The following GRM5 variants were observed in gnomAD, a reference collection of about 807,000 sequenced individuals.
The protein encoded by GRM5 is glutamate metabotropic receptor 5, also known as metabotropic glutamate receptor 5.
GRM5 carries 19 observed loss-of-function variants against 83.1 expected under a neutral mutation model. The ratio of observed to expected loss-of-function variants is 0.23; its 90% confidence interval spans 0.16 to 0.34. The LOEUF (loss-of-function observed/expected upper bound fraction) is 0.34. Among genes scored for constraint, GRM5 ranks in the 10% least tolerant of loss-of-function variants. GRM5 has a pLI of 1.00. For missense variants in GRM5, 1,160 were observed against 1,588.3 expected (o/e 0.73, Z 4.58); for synonymous variants, 675 against 633.6 (o/e 1.07, Z -0.98).
chr11:88,875,248 G>A (rs1944832098), intron 2 of GRM5, among the ~76,000 whole-genome samples: 1 of 151,840 alleles, frequency 6.6e-6, no homozygotes, highest in African/African-American at 2.4e-5. Context: ...TTTCATCAAG[G>A]CTCACAGCAT....
intron 2 of GRM5, among the ~76,000 whole-genome samples, chr11:88,989,182 G>T (rs1170390685): frequency 6.8e-6 from 1 of 146,438 alleles, no homozygotes; most frequent in East Asian, 2.0e-4. Context: ...CAAGCAAATG[G>T]AAAACAAAAA....
chr11:88,968,238 G>A (rs2134998685), intron 2 of GRM5, among the ~76,000 whole-genome samples: 1 of 152,252 alleles, frequency 6.6e-6, no homozygotes, highest in Middle Eastern at 3.4e-3. Flanking sequence ...TCAGCTGGAA[G>A]AATATGAAAG....
At chr11:88,775,147 C>A (rs1026332559) in intron 3 of GRM5, among the ~76,000 whole-genome samples, 3 of 152,154 alleles carry the variant, frequency 2.0e-5, no homozygotes, top group Admixed American at 6.5e-5. Flanking sequence ...AGAGATTCAA[C>A]TTCTTCCTGG....
At chr11:88,526,336 C>A (rs1941876972) in intron 8 of GRM5, among the ~76,000 whole-genome samples, 1 of 152,134 alleles carries the variant, frequency 6.6e-6, no homozygotes. Context: ...ACCTCTTTTA[C>A]TCATTGGTTC....
At chr11:88,595,395 C>G (rs1937770487) in intron 6 of GRM5, among the ~76,000 whole-genome samples, 1 of 152,070 alleles carries the variant, frequency 6.6e-6, no homozygotes, top group Admixed American at 6.5e-5. Context: ...CTTCCTATCC[C>G]TCTCTTCCTC....
At chr11:88,660,765 T>C (rs775178504) in intron 3 of GRM5, among the ~76,000 whole-genome samples, 14 of 152,198 alleles carry the variant, frequency 9.2e-5, no homozygotes, top group Non-Finnish European at 1.3e-4. Flanking sequence ...TCTTATTCCT[T>C]AGATATGTTA....
intron 2 of GRM5, among the ~76,000 whole-genome samples, chr11:89,026,428 T>C (rs961980623): frequency 1.3e-5 from 2 of 152,230 alleles, no homozygotes; most frequent in African/African-American, 4.8e-5. Flanking sequence ...AGACACTTTA[T>C]ACTTCTTTAG....
chr11:89,035,035 C>CA (rs1321972650), intron 2 of GRM5, among the ~76,000 whole-genome samples: 3 of 151,162 alleles, frequency 2.0e-5, no homozygotes, highest in East Asian at 3.9e-4. Context: ...ATCCTCTGAG[C>CA]AAAAAATTAA....
At chr11:89,037,049 T>G (rs1392216949) in intron 2 of GRM5, among the ~76,000 whole-genome samples, 2 of 152,184 alleles carry the variant, frequency 1.3e-5, no homozygotes, top group East Asian at 3.9e-4. Flanking sequence ...TATTTAAACT[T>G]GTGGCTTATT....
intron 3 of GRM5, among the ~76,000 whole-genome samples, chr11:88,745,488 G>A (rs1364245891): frequency 6.6e-6 from 1 of 152,110 alleles, no homozygotes; most frequent in African/African-American, 2.4e-5. Context: ...TTACAGGCAT[G>A]AGCCACCATG....
intron 2 of GRM5, among the ~76,000 whole-genome samples, chr11:89,020,470 G>A (rs768519062): frequency 1.3e-5 from 2 of 152,150 alleles, no homozygotes; most frequent in African/African-American, 4.8e-5. Flanking sequence ...ATAGACTGTT[G>A]GAATTGCTAA....
chr11:88,591,986 A>G (rs563475869), intron 6 of GRM5, among the ~76,000 whole-genome samples: 1 of 152,188 alleles, frequency 6.6e-6, no homozygotes, highest in Non-Finnish European at 1.5e-5. Flanking sequence ...AACTAAGGTA[A>G]AGTTAGCTCA....
intron 3 of GRM5, among the ~76,000 whole-genome samples, chr11:88,736,465 G>T (rs962993835): frequency 7.9e-5 from 12 of 152,032 alleles, no homozygotes; most frequent in Non-Finnish European, 1.5e-4. Context: ...CTCAAAAACA[G>T]GGCAGGTTGA....
At chr11:88,856,915 A>G (rs549112448) in intron 2 of GRM5, among the ~76,000 whole-genome samples, 1 of 152,210 alleles carries the variant, frequency 6.6e-6, no homozygotes, top group South Asian at 2.1e-4. Flanking sequence ...GGAATGAGCT[A>G]ACAACAAAGA....
chr11:88,934,628 C>T (rs1937831881), intron 2 of GRM5, among the ~76,000 whole-genome samples: 1 of 151,802 alleles, frequency 6.6e-6, no homozygotes, highest in Non-Finnish European at 1.5e-5. Context: ...AGATAACATC[C>T]TCAATCACAT....
chr11:88,878,202 T>A (rs1419128418), intron 2 of GRM5, among the ~76,000 whole-genome samples: 7 of 152,142 alleles, frequency 4.6e-5, no homozygotes, highest in African/African-American at 1.7e-4. Context: ...GATAGGTGAA[T>A]TATTAAGCAG....
chr11:88,526,705 C>T (rs1941886545), intron 8 of GRM5, among the ~76,000 whole-genome samples: 1 of 151,462 alleles, frequency 6.6e-6, no homozygotes, highest in South Asian at 2.1e-4. Context: ...ATTATTGATC[C>T]TGGGGCAGAG....
At chr11:88,674,989 T>C (rs1940289006) in intron 3 of GRM5, among the ~76,000 whole-genome samples, 1 of 151,994 alleles carries the variant, frequency 6.6e-6, no homozygotes, top group Non-Finnish European at 1.5e-5. Context: ...GCCACATTAC[T>C]GTAGGTGCCT....
intron 6 of GRM5, among the ~76,000 whole-genome samples, chr11:88,594,383 G>A (rs1433344147): frequency 6.6e-6 from 1 of 152,124 alleles, no homozygotes; most frequent in Non-Finnish European, 1.5e-5. Context: ...TTTAGGCTTT[G>A]GGCCATACAG....
Sources: allele counts gnomAD v4.1 joint callset (sites outside exome capture counted in the v4.1 genomes callset), GRCh38; gene constraint gnomAD v4.1.1; transcripts MANE v1.5; gene names NCBI Gene and HGNC (gene_info 2026-07-23, HGNC 2026-07-21).